Variants in KIF16B observed in about 807,000 individuals in gnomAD.
KIF16B encodes the protein kinesin-like protein KIF16B.
KIF16B carries 98 observed loss-of-function variants against 156.3 expected under a neutral mutation model. The ratio of observed to expected loss-of-function variants is 0.63; its 90% CI spans 0.53 to 0.74. The LOEUF is 0.74. Ranked by LOEUF, KIF16B falls within the 30% of genes least tolerant of loss-of-function variation. KIF16B has a pLI of 0.00. For missense variants in KIF16B, 1,421 were observed against 1,606.5 expected (o/e 0.88, Z 1.97); for synonymous variants, 564 against 583.7 (o/e 0.97, Z 0.49).
chr20:16,532,697 A>G (rs6044081), intron 1 of KIF16B, among the ~76,000 whole-genome samples: 125,191 of 152,208 alleles, frequency 0.82, 51,949 homozygotes, highest in African/African-American at 0.94. Flanking sequence ...AACCTAATGC[A>G]TCTAGAGCTT....
intron 25 of KIF16B, among the ~76,000 whole-genome samples, chr20:16,287,530 T>C (rs6043855): frequency 2.0e-5 from 3 of 152,374 alleles, no homozygotes; most frequent in African/African-American, 7.2e-5. Context: ...AAGCATATTA[T>C]ACTGAATTAT....
chr20:16,299,778 T>C (rs1444989369), intron 25 of KIF16B, among the ~76,000 whole-genome samples: 1 of 152,158 alleles, frequency 6.6e-6, no homozygotes, highest in Admixed American at 6.5e-5. Context: ...CTGACAGAAC[T>C]AAGGAGAATT....
chr20:16,400,010 T>C (rs189055349), intron 17 of KIF16B, among the ~76,000 whole-genome samples: 4 of 152,324 alleles, frequency 2.6e-5, no homozygotes, highest in South Asian at 2.1e-4. Context: ...GTCAGAGCAA[T>C]GCCTTTCAAT....
rs757353606 is a variant in KIF16B, at chr20:16,378,855, G to C, written c.3147C>G (p.Leu1049=). The C allele has an allele frequency of 1.2e-6, 2 of 1,613,966 alleles. No homozygotes were observed. The highest frequency in any genetic ancestry group is 1.7e-6 in the Non-Finnish European group (2 of 1,179,954). The change falls in exon 19 of 26, where the codon CTC becomes CTG. Residue 1049 remains leucine, a synonymous_variant. Transcript: ENST00000354981. ...CCTGCTCAGCCTCCAGGCTAGCCTG[G>C]AGCCCTGACTGCTCTCTGCTGCCAC... is the stretch of plus-strand genomic sequence containing the variant. The part of the protein sequence containing the change: ...LNSGSREQSG[L]QASLEAEQEA...
intron 22 of KIF16B, among the ~76,000 whole-genome samples, chr20:16,366,147 A>C (rs1396841994): frequency 6.6e-6 from 1 of 152,114 alleles, no homozygotes; most frequent in Non-Finnish European, 1.5e-5. Context: ...CCTCTTACCT[A>C]GGAGGAGGCA....
intron 15 of KIF16B, among the ~76,000 whole-genome samples, chr20:16,412,714 CA>C (rs2065989479): frequency 6.6e-6 from 1 of 152,094 alleles, no homozygotes; most frequent in Non-Finnish European, 1.5e-5. Flanking sequence ...TATCTCCCAC[CA>C]GTTCCCTCCC....
intron 7 of KIF16B, 110 bp from the exon 8 acceptor site, chr20:16,506,300 T>C: frequency 1.1e-6 from 1 of 910,948 alleles, no homozygotes. Context: ...TCAGGGTAGA[T>C]ATTTTTCAAT....
intron 12 of KIF16B, among the ~76,000 whole-genome samples, chr20:16,434,834 T>A (rs908021372): frequency 6.6e-6 from 1 of 152,040 alleles, no homozygotes. Context: ...TTTTGTAGAG[T>A]TGACTCACAT....
At chr20:16,375,605 C>CA (rs1164470993) in intron 19 of KIF16B, among the ~76,000 whole-genome samples, 3,004 of 75,216 alleles carry the variant, frequency 0.04, 59 homozygotes, top group Middle Eastern at 0.062. Flanking sequence ...AAGACATAAG[C>CA]AAAAAAAAAA....
chr20:16,386,104 T>C (rs2065223602), intron 17 of KIF16B, among the ~76,000 whole-genome samples: 2 of 152,130 alleles, frequency 1.3e-5, no homozygotes, highest in Admixed American at 6.5e-5. Context: ...GGACTTGGCC[T>C]TCACTGGCAT....
chr20:16,281,100 C>T (rs769488372), intron 25 of KIF16B, among the ~76,000 whole-genome samples: 6 of 152,054 alleles, frequency 3.9e-5, no homozygotes, highest in South Asian at 2.1e-4. Context: ...ATGATTTTTC[C>T]GGCCATCTCA....
intron 12 of KIF16B, among the ~76,000 whole-genome samples, chr20:16,437,891 G>C (rs902451652): frequency 6.6e-6 from 1 of 151,820 alleles, no homozygotes; most frequent in African/African-American, 2.4e-5. Context: ...CCAGTACTTT[G>C]GGAGGCTGAG....
chr20:16,506,716 CTTCTGA>C (rs1325213835), intron 7 of KIF16B, among the ~76,000 whole-genome samples: 4 of 140,552 alleles, frequency 2.8e-5, no homozygotes, highest in Non-Finnish European at 6.5e-5. Flanking sequence ...TTCACAAATA[CTTCTGA>C]TCTATGTGTT....
intron 23 of KIF16B, among the ~76,000 whole-genome samples, chr20:16,343,952 T>C (rs2064185163): frequency 6.6e-6 from 1 of 152,154 alleles, no homozygotes; most frequent in African/African-American, 2.4e-5. Context: ...TAAAAATCAA[T>C]ATAGTGGGTG....
At chr20:16,482,785 G>A (rs2068016143) in intron 12 of KIF16B, among the ~76,000 whole-genome samples, 1 of 152,084 alleles carries the variant, frequency 6.6e-6, no homozygotes, top group South Asian at 2.1e-4. Context: ...GAATATATAT[G>A]ACACTATAGT....
intron 6 of KIF16B, 45 bp from the exon 7 acceptor site, chr20:16,508,145 A>G (rs1260611975): frequency 6.3e-7 from 1 of 1,595,794 alleles, no homozygotes; most frequent in Non-Finnish European, 8.6e-7. Context: ...CCTAATATAT[A>G]GGAAATGGAA....
intron 17 of KIF16B, among the ~76,000 whole-genome samples, chr20:16,385,834 T>G (rs1023140996): frequency 2.0e-5 from 3 of 152,136 alleles, no homozygotes; most frequent in Non-Finnish European, 4.4e-5. Flanking sequence ...TACTGTGAAT[T>G]TAATTCTCAC....
At chr20:16,313,190 T>C (rs908541536) in intron 24 of KIF16B, among the ~76,000 whole-genome samples, 5 of 152,230 alleles carry the variant, frequency 3.3e-5, no homozygotes, top group African/African-American at 9.6e-5. Flanking sequence ...CAATAATTGC[T>C]GCAGTTGCAG....
intron 17 of KIF16B, among the ~76,000 whole-genome samples, chr20:16,395,675 CTTGGTGAGTCT>C (rs1037885716): frequency 1.3e-5 from 2 of 152,004 alleles, no homozygotes; most frequent in African/African-American, 4.8e-5. Context: ...TAATTAGGAG[CTTGGTGAGTCT>C]TTGGTGATGA....
Sources: allele counts gnomAD v4.1 joint callset (sites outside exome capture counted in the v4.1 genomes callset), GRCh38; gene constraint gnomAD v4.1.1; transcripts MANE v1.5; gene names NCBI Gene and HGNC (gene_info 2026-07-23, HGNC 2026-07-21).